The following NELL1 variants were observed in gnomAD, a reference collection of about 807,000 sequenced individuals.
NELL1 encodes the protein protein kinase C-binding protein NELL1.
In NELL1, 76 loss-of-function variants were observed where a neutral mutation model predicts 107.4. The observed-to-expected ratio is 0.71, with a 90% CI of 0.59 to 0.86. The LOEUF (loss-of-function observed/expected upper bound fraction) is 0.86, where lower values mean the gene tolerates loss of function less well. Ranked by LOEUF, NELL1 falls within the 40% of genes least tolerant of loss-of-function variation. The probability of loss-of-function intolerance (pLI) is 0.00; values close to 1 mark genes in which losing one functional copy is unlikely to be tolerated. For missense variants in NELL1, 1,024 were observed against 1,005.5 expected, an observed-to-expected ratio of 1.02 and a Z score of -0.25; for synonymous variants, 353 against 341.2, an observed-to-expected ratio of 1.03 and a Z score of -0.38.
intron 11 of NELL1, among the ~76,000 whole-genome samples, chr11:20,956,443 G>A (rs1235927442): frequency 4.0e-5 from 6 of 151,876 alleles, no homozygotes; most frequent in African/African-American, 1.2e-4. Context: ...TCAGGAGATT[G>A]AGACTGTCCT....
intron 16 of NELL1, 52 bp from the exon 17 acceptor site, chr11:21,560,137 T>C (rs967108597): frequency 1.3e-6 from 2 of 1,545,626 alleles, no homozygotes; most frequent in African/African-American, 2.7e-5. Context: ...GGTTGTTTGT[T>C]CTCTAAGTTC....
chr11:20,937,364 C>T (rs1223830714), intron 9 of NELL1, among the ~76,000 whole-genome samples: 1 of 152,204 alleles, frequency 6.6e-6, no homozygotes, highest in East Asian at 1.9e-4. Context: ...TGTCCTTCTC[C>T]ATTGTGGCTG....
At chr11:21,364,633 T>A (rs12364944) in intron 14 of NELL1, among the ~76,000 whole-genome samples, 38,276 of 152,038 alleles carry the variant, frequency 0.25, 5,131 homozygotes, top group East Asian at 0.36. Flanking sequence ...ATTTTATGTT[T>A]CTGTTTATAT....
intron 13 of NELL1, among the ~76,000 whole-genome samples, chr11:21,136,299 G>T (rs1419377844): frequency 6.6e-6 from 1 of 152,166 alleles, no homozygotes; most frequent in South Asian, 2.1e-4. Flanking sequence ...AGGGGGGTGG[G>T]TAATGAGGTT....
chr11:21,337,747 T>TCTTC (rs1555006092), intron 14 of NELL1, among the ~76,000 whole-genome samples: 1 of 121,864 alleles, frequency 8.2e-6, no homozygotes, highest in African/African-American at 3.7e-5. Flanking sequence ...TTTCTTTCTT[T>TCTTC]CTTTCTTTCT....
At chr11:20,961,960 C>A (rs886790563) in intron 12 of NELL1, among the ~76,000 whole-genome samples, 1 of 151,872 alleles carries the variant, frequency 6.6e-6, no homozygotes, top group Non-Finnish European at 1.5e-5. Flanking sequence ...TTGTAGGAAC[C>A]CTCTGTTTTT....
At chr11:20,872,716 TCTATG>T (rs1849228460) in intron 4 of NELL1, among the ~76,000 whole-genome samples, 1 of 75,340 alleles carries the variant, frequency 1.3e-5, no homozygotes, top group Non-Finnish European at 3.7e-5. Context: ...GTGTGTGTAG[TCTATG>T]CTGTACAAAG....
intron 17 of NELL1, among the ~76,000 whole-genome samples, chr11:21,560,956 C>A (rs1262041587): frequency 1.3e-5 from 2 of 152,020 alleles, no homozygotes; most frequent in Non-Finnish European, 2.9e-5. Flanking sequence ...GGAAAGTGAG[C>A]TTAATGCTTA....
intron 12 of NELL1, among the ~76,000 whole-genome samples, chr11:21,055,342 C>G (rs149302686): frequency 2.8e-4 from 43 of 151,610 alleles, no homozygotes; most frequent in African/African-American, 9.4e-4. Flanking sequence ...TCTAGGTGTT[C>G]CTAATAGTTG....
At chr11:20,961,727 G>A (rs1412916647) in intron 12 of NELL1, among the ~76,000 whole-genome samples, 1 of 152,074 alleles carries the variant, frequency 6.6e-6, no homozygotes, top group Non-Finnish European at 1.5e-5. Context: ...TGCAAAACCT[G>A]CCTATATGGG....
chr11:21,029,844 A>T (rs1338133386), intron 12 of NELL1, among the ~76,000 whole-genome samples: 1 of 152,176 alleles, frequency 6.6e-6, no homozygotes, highest in East Asian at 1.9e-4. Flanking sequence ...TCTTCTCTCC[A>T]TTCATCTATT....
intron 12 of NELL1, among the ~76,000 whole-genome samples, chr11:21,085,199 C>T (rs1854361719): frequency 6.6e-6 from 1 of 152,030 alleles, no homozygotes. Context: ...CACAATGAGC[C>T]ACACTGTCAT....
At chr11:21,571,447 C>T (rs1857098589) in intron 18 of NELL1, among the ~76,000 whole-genome samples, 1 of 151,778 alleles carries the variant, frequency 6.6e-6, no homozygotes, top group Non-Finnish European at 1.5e-5. Context: ...TATTCTGGCC[C>T]TCAAGTGGAC....
intron 2 of NELL1, among the ~76,000 whole-genome samples, chr11:20,747,675 A>AAT (rs1313114037): frequency 3.3e-5 from 5 of 152,192 alleles, no homozygotes; most frequent in Non-Finnish European, 7.3e-5. Context: ...AAATTTCAAC[A>AAT]TGCGTTTTGG....
chr11:21,314,527 A>G (rs1849829678), intron 14 of NELL1, among the ~76,000 whole-genome samples: 1 of 152,156 alleles, frequency 6.6e-6, no homozygotes, highest in Non-Finnish European at 1.5e-5. Flanking sequence ...GTTAGCTGTT[A>G]TTACCAAGAG....
intron 12 of NELL1, among the ~76,000 whole-genome samples, chr11:20,968,737 C>G (rs893145991): frequency 3.3e-5 from 5 of 152,192 alleles, no homozygotes; most frequent in Non-Finnish European, 7.3e-5. Context: ...CGTGGCTCCC[C>G]TCAAAACCAT....
At chr11:21,267,606 G>A (rs902341183) in intron 14 of NELL1, among the ~76,000 whole-genome samples, 2 of 151,720 alleles carry the variant, frequency 1.3e-5, no homozygotes. Context: ...TACAGTCTGA[G>A]TATGTTCCTG....
intron 3 of NELL1, among the ~76,000 whole-genome samples, chr11:20,833,859 C>A (rs12283799): frequency 6.6e-6 from 1 of 152,038 alleles, no homozygotes; most frequent in Non-Finnish European, 1.5e-5. Flanking sequence ...CTTGAAAGAA[C>A]GTTGGTGTGT....
At chr11:20,809,086 C>T (rs549058545) in intron 3 of NELL1, among the ~76,000 whole-genome samples, 48 of 152,240 alleles carry the variant, frequency 3.2e-4, no homozygotes, top group Middle Eastern at 6.8e-3. Flanking sequence ...TGCTTCACCT[C>T]CTCCTGAAGA....
Sources: gnomAD v4.1 joint callset for allele counts (sites outside exome capture counted in the v4.1 genomes callset) on GRCh38, gnomAD v4.1.1 for gene constraint, MANE v1.5 for transcripts, NCBI Gene and HGNC (gene_info 2026-07-23, HGNC 2026-07-21) for gene names.